The following CRTAP variants were observed in gnomAD, a reference collection of about 807,000 sequenced individuals.
The protein encoded by CRTAP is cartilage-associated protein.
In CRTAP, 33 loss-of-function variants were observed where a neutral mutation model predicts 42.7. The ratio of observed to expected loss-of-function variants is 0.77; its 90% CI spans 0.59 to 1.03. CRTAP has a LOEUF of 1.03. CRTAP is among the 50% of genes least tolerant of loss of function. CRTAP has a pLI of 0.00. For missense variants in CRTAP, 613 were observed against 533.9 expected (o/e 1.15, Z -1.46); for synonymous variants, 243 against 217.7 (o/e 1.12, Z -1.02).
intron 6 of CRTAP, among the ~76,000 whole-genome samples, chr3:33,136,256 A>G (rs2030416051): frequency 6.6e-6 from 1 of 152,214 alleles, no homozygotes; most frequent in Non-Finnish European, 1.5e-5. Context: ...ACCAAGTAAT[A>G]TTCTTCTTTT....
At chr3:33,137,920 G>A (rs2030468877) in intron 6 of CRTAP, among the ~76,000 whole-genome samples, 1 of 152,178 alleles carries the variant, frequency 6.6e-6, no homozygotes, top group African/African-American at 2.4e-5. Context: ...CATGTGAATA[G>A]CCAGTTGTTA....
chr3:33,121,945 C>T (rs2029884803), intron 2 of CRTAP, among the ~76,000 whole-genome samples: 2 of 152,166 alleles, frequency 1.3e-5, no homozygotes, highest in African/African-American at 2.4e-5. Context: ...CCCGTGGTCC[C>T]TCATGCCTGC....
intron 2 of CRTAP, among the ~76,000 whole-genome samples, chr3:33,121,790 A>G (rs2029882601): frequency 6.6e-6 from 1 of 152,052 alleles, no homozygotes; most frequent in Non-Finnish European, 1.5e-5. Context: ...AAGTCTCTAG[A>G]ATAAACTGCC....
intron 4 of CRTAP, among the ~76,000 whole-genome samples, chr3:33,130,932 G>A (rs1298283162): frequency 6.6e-6 from 1 of 152,156 alleles, no homozygotes; most frequent in Non-Finnish European, 1.5e-5. Flanking sequence ...GGGAGAGAAG[G>A]AAGTTCAGGG....
intron 1 of CRTAP, among the ~76,000 whole-genome samples, chr3:33,116,356 GTCTA>G (rs1018279649): frequency 2.2e-4 from 33 of 152,166 alleles, no homozygotes; most frequent in Admixed American, 1.5e-3. Context: ...CTATCTATCT[GTCTA>G]TCTATCTGTT....
At chr3:33,114,924 C>G (rs1360167857) in intron 1 of CRTAP, among the ~76,000 whole-genome samples, 2 of 152,092 alleles carry the variant, frequency 1.3e-5, no homozygotes, top group African/African-American at 2.4e-5. Context: ...AGCAGAAGAC[C>G]TGAGGAGCCG....
Position 33,120,479 on chromosome 3 carries a change from A to G in CRTAP, c.607A>G (p.Thr203Ala). 9 of 1,610,800 alleles carry G rather than the reference A, an allele frequency of 5.6e-6. No individual in the cohort carries two copies. Among genetic ancestry groups the G allele is most frequent in the Non-Finnish European group, 7.6e-6 (9 of 1,177,556 alleles). Reference protein sequence around the residue: ...GAEDYIKDLETKSYESLFIRA... With the variant: ...GAEDYIKDLEAKSYESLFIRA... ...CGAGGACTACATTAAAGACCTGGAA[A>G]CCAAGTCATATGAAGTATGTTTGGA... The change falls in exon 2 of 7, where the codon ACC becomes GCC. Residue 203 changes from threonine to alanine, a missense_variant. By Grantham distance (58) the Thr-to-Ala change is moderately conservative (BLOSUM62 0). Transcript: ENST00000320954.
chr3:33,114,329 C>T lies in CRTAP; in HGVS notation c.252C>T (p.Cys84=). Residue 84 remains cysteine, a synonymous_variant, in exon 1 of 7, where the codon TGC becomes TGT. Coordinates refer to ENST00000320954, the MANE Select transcript of CRTAP (RefSeq NM_006371.5). ...HRLLRDSEAF[C]HRNCSAAPQP... ...TGCTGCGCGACAGCGAGGCCTTCTG[C>T]CACCGCAACTGCAGCGCCGCGCCGC... is the stretch of plus-strand genomic sequence containing the variant. 1 of 1,540,418 alleles carries T rather than the reference C, an allele frequency of 6.5e-7. No homozygotes were observed. Among genetic ancestry groups the T allele is most frequent in the Non-Finnish European group, 8.7e-7 (1 of 1,151,008 alleles).
intron 4 of CRTAP, among the ~76,000 whole-genome samples, chr3:33,131,265 C>A: frequency 7.1e-6 from 1 of 141,776 alleles, no homozygotes; most frequent in African/African-American, 2.7e-5. Flanking sequence ...TTTTTTTTTG[C>A]GGGGGGGGGT....
Position 33,114,338 on chromosome 3 carries a change from C to A in CRTAP, c.261C>A (p.Asn87Lys), listed in dbSNP as rs1224133201. 4 of 1,531,934 alleles carry A rather than the reference C, an allele frequency of 2.6e-6. No individual in the cohort carries two copies. The highest frequency in any genetic ancestry group is 3.5e-6 in the Non-Finnish European group (4 of 1,146,456). The allele number at this position is 1,531,934 out of a possible 1,614,324, so 94.9% of individuals were successfully genotyped here. A position where few individuals can be genotyped will look rare whatever the true frequency, so the allele number is the denominator to read the frequency against. Residue 87 changes from asparagine to lysine, a missense_variant, in exon 1 of 7, where the codon AAC (asparagine) becomes AAA (lysine). By Grantham distance (94) the Asn-to-Lys change is moderately conservative. Coordinates refer to ENST00000320954, the MANE Select transcript of CRTAP (RefSeq NM_006371.5). ...ACAGCGAGGCCTTCTGCCACCGCAA[C>A]TGCAGCGCCGCGCCGCAGCCCGAGC... ...LRDSEAFCHR[N>K]CSAAPQPEPA...
At chr3:33,124,606 A>G (rs2030008360) in intron 3 of CRTAP, 27 bp downstream of exon 3, 6 of 1,612,912 alleles carry the variant, frequency 3.7e-6, no homozygotes, top group Non-Finnish European at 3.4e-6. Flanking sequence ...TAGGCTCACT[A>G]CTCCCATGGA....
rs1284480065 is a variant in CRTAP at position 33,147,631 on chromosome 3, C to T, written c.*5183C>T. 2.6e-5 allele frequency: 4 copies of T among 152,200 alleles called. No individual in the cohort carries two copies. The highest frequency in any genetic ancestry group is 2.6e-4 in the Admixed American group (4 of 15,276). 9.4% of individuals were successfully genotyped at this position (152,200 alleles called of 1,614,324 possible). ...AGCCAGTAGGCCAAACTCCAAAGAC[C>T]GTTGCTGATGTCTTTTTCTGCCTCC... On this transcript the variant is annotated 3_prime_UTR_variant, in exon 7 of 7. Coordinates refer to ENST00000320954, the MANE Select transcript of CRTAP (RefSeq NM_006371.5).
At chr3:33,120,994 A>C (rs1282640691) in intron 2 of CRTAP, among the ~76,000 whole-genome samples, 1 of 152,198 alleles carries the variant, frequency 6.6e-6, no homozygotes, top group African/African-American at 2.4e-5. Flanking sequence ...GATGAGAATT[A>C]GTCGTAAGAA....
chr3:33,142,554 C>T lies in CRTAP; in HGVS notation c.*106C>T, dbSNP rs530284493. 7 of 1,106,496 alleles carry T rather than the reference C, an allele frequency of 6.3e-6. No individual in the cohort carries two copies. The highest frequency in any genetic ancestry group is 6.2e-5 in the African/African-American group (4 of 64,754). 68.5% of individuals were successfully genotyped at this position (1,106,496 alleles called of 1,614,324 possible). A position where few individuals can be genotyped will look rare whatever the true frequency, so the allele number is the denominator to read the frequency against. ...GATACCTCAGAGCCTTCTCTTTACT[C>T]TCCAAAGTGAAAGGGAAGCCCCCGT... On this transcript the variant is annotated 3_prime_UTR_variant, in exon 7 of 7. Coordinates refer to ENST00000320954, the MANE Select transcript of CRTAP (RefSeq NM_006371.5).
At chr3:33,129,805 G>A (rs1247358941) in intron 3 of CRTAP, 134 bp from the exon 4 acceptor site, 3 of 755,436 alleles carry the variant, frequency 4.0e-6, no homozygotes, top group Non-Finnish European at 6.7e-6. Context: ...CCGAAGTGCT[G>A]GGATTACAGG....
chr3:33,125,831 A>C (rs959795333), intron 3 of CRTAP, among the ~76,000 whole-genome samples: 1 of 152,192 alleles, frequency 6.6e-6, no homozygotes, highest in Non-Finnish European at 1.5e-5. Context: ...TTAAATACCT[A>C]AACAGTGTCC....
At position 33,127,714 on chromosome 3, in the gene CRTAP, C is replaced by G. The variant is rs936831507; in HGVS notation, c.794-2225C>G. ...CCACCCACCTCGGCCTCCCAAAGTG[C>G]TAGGAGTACAGGCGTGAGCCACCGC... On this transcript the variant is annotated intron_variant, in intron 3 of 6. Coordinates refer to ENST00000320954, the MANE Select transcript of CRTAP (RefSeq NM_006371.5). Among the ~76,000 whole-genome samples the G allele has an allele frequency of 6.0e-4, 91 of 151,688 alleles. 2 individuals are homozygous for G. Among genetic ancestry groups the G allele is most frequent in the African/African-American group, 2.1e-3 (87 of 41,236 alleles).
intron 2 of CRTAP, among the ~76,000 whole-genome samples, chr3:33,121,746 C>T (rs937724430): frequency 3.3e-5 from 5 of 152,166 alleles, no homozygotes; most frequent in Admixed American, 6.5e-5. Flanking sequence ...GCCTCTGCTA[C>T]GTCTGGTCCC....
intron 4 of CRTAP, among the ~76,000 whole-genome samples, chr3:33,130,812 G>T (rs1023388963): frequency 6.6e-6 from 1 of 152,132 alleles, no homozygotes; most frequent in Non-Finnish European, 1.5e-5. Flanking sequence ...GGGATTACAG[G>T]TGTGAGCCAC....
Sources: allele counts gnomAD v4.1 joint callset (sites outside exome capture counted in the v4.1 genomes callset), GRCh38; gene constraint gnomAD v4.1.1; transcripts MANE v1.5; gene names NCBI Gene and HGNC (gene_info 2026-07-23, HGNC 2026-07-21).